Variants in SPOCK3 observed in about 807,000 individuals in gnomAD.
SPOCK3 encodes the protein testican-3.
In SPOCK3, 30 loss-of-function variants were observed where a neutral mutation model predicts 56.6. The ratio of observed to expected loss-of-function variants is 0.53; its 90% CI spans 0.40 to 0.72. SPOCK3 has a LOEUF of 0.72. Ranked by LOEUF, SPOCK3 falls within the 30% of genes least tolerant of loss-of-function variation. The probability of loss-of-function intolerance (pLI) is 0.00; values close to 1 mark genes in which losing one functional copy is unlikely to be tolerated. For synonymous variants in SPOCK3, 196 were observed against 183.3 expected (o/e 1.07, Z -0.56); for missense variants, 527 against 530.0 (o/e 0.99, Z 0.06).
chr4:166,768,193 A>C (rs1291268129), intron 7 of SPOCK3, among the ~76,000 whole-genome samples: 1 of 152,140 alleles, frequency 6.6e-6, no homozygotes. Context: ...TTTACTTTTA[A>C]GATTAATATT....
chr4:166,958,829 C>T (rs1408978668), intron 4 of SPOCK3, among the ~76,000 whole-genome samples: 3 of 152,172 alleles, frequency 2.0e-5, no homozygotes, highest in Non-Finnish European at 4.4e-5. Context: ...ACTACTGTAT[C>T]ACCAGAACTG....
At chr4:166,753,007 T>C (rs1736621949) in intron 8 of SPOCK3, among the ~76,000 whole-genome samples, 2 of 151,858 alleles carry the variant, frequency 1.3e-5, no homozygotes, top group South Asian at 4.1e-4. Context: ...ACAATTTAAA[T>C]GAAACATAGA....
At chr4:166,897,101 A>C (rs1475343316) in intron 5 of SPOCK3, among the ~76,000 whole-genome samples, 1 of 152,160 alleles carries the variant, frequency 6.6e-6, no homozygotes, top group Non-Finnish European at 1.5e-5. Context: ...CTATTTTATT[A>C]TATACTTCCA....
intron 3 of SPOCK3, among the ~76,000 whole-genome samples, chr4:167,001,837 A>C (rs1748983311): frequency 6.6e-6 from 1 of 152,226 alleles, no homozygotes; most frequent in Non-Finnish European, 1.5e-5. Flanking sequence ...GACCAGCGGA[A>C]ATAAAATGTG....
rs373625288 is a variant in SPOCK3 at position 167,122,501 on chromosome 4, TATAG to T, written c.190-59968_190-59965del. On this transcript the variant is annotated intron_variant, in intron 2 of 10. Transcript: ENST00000357545. ...GGCCATAAGTTACCTTTGTCATCCC[TATAG>T]ATAGAGAGGAAAAGTCGTTTAGGGT... 6.2e-4 allele frequency among the ~76,000 whole-genome samples: 94 copies of T among 152,334 alleles called. 1 individual carries two copies. The East Asian group carries it at 0.018, about 28-fold the overall frequency.
At chr4:166,964,268 T>C (rs904654694) in intron 4 of SPOCK3, among the ~76,000 whole-genome samples, 1 of 151,852 alleles carries the variant, frequency 6.6e-6, no homozygotes, top group Non-Finnish European at 1.5e-5. Context: ...CATTATTGCA[T>C]ATGTTCTGAG....
intron 2 of SPOCK3, among the ~76,000 whole-genome samples, chr4:167,152,133 T>C (rs368270368): frequency 1.2e-4 from 19 of 152,220 alleles, no homozygotes; most frequent in African/African-American, 4.3e-4. Flanking sequence ...CAAATATAAG[T>C]AGCTTACATC....
At chr4:167,208,037 T>G (rs1734523283) in intron 2 of SPOCK3, among the ~76,000 whole-genome samples, 1 of 152,156 alleles carries the variant, frequency 6.6e-6, no homozygotes. Flanking sequence ...CAGGGCTCCA[T>G]CTGATTTGAA....
intron 6 of SPOCK3, among the ~76,000 whole-genome samples, chr4:166,847,663 A>ATATATATATATATATC (rs1748229774): frequency 1.0e-5 from 1 of 98,358 alleles, no homozygotes; most frequent in South Asian, 3.3e-4. Flanking sequence ...ATATATATAT[A>ATATATATATATATATC]TATATATATA....
chr4:167,173,062 G>A (rs917642123), intron 2 of SPOCK3, among the ~76,000 whole-genome samples: 3 of 152,036 alleles, frequency 2.0e-5, no homozygotes, highest in Non-Finnish European at 2.9e-5. Flanking sequence ...TCATTAGCAC[G>A]AGGCATTTGC....
At position 167,234,012 on chromosome 4, in the gene SPOCK3, T is replaced by C. The variant is rs1190939041; in HGVS notation, c.162A>G (p.Glu54=). The C allele has an allele frequency of 6.2e-7, 1 of 1,614,002 alleles. No individual in the cohort carries two copies. The highest frequency in any genetic ancestry group is 2.2e-5 in the East Asian group (1 of 44,824). ...WLTTISQYDK[E]VGQWNKFRDD... is the part of the protein sequence containing the mutation. Reference sequence around the variant, plus strand: ...CTCGGAATTTGTTCCACTGTCCGACTTCCTTGTCATACTGAGAGATTGTGG... The same window carrying C: ...CTCGGAATTTGTTCCACTGTCCGACCTCCTTGTCATACTGAGAGATTGTGG... Residue 54 remains glutamate, a synonymous_variant, in exon 2 of 11, where the codon GAA becomes GAG. Coordinates refer to ENST00000357545, the MANE Select transcript of SPOCK3 (RefSeq NM_001040159.2).
chr4:167,139,669 G>A (rs1370302598), intron 2 of SPOCK3, among the ~76,000 whole-genome samples: 1 of 151,710 alleles, frequency 6.6e-6, no homozygotes, highest in Non-Finnish European at 1.5e-5. Flanking sequence ...ATCAGCAATG[G>A]CTCATATTTT....
chr4:167,209,644 G>A (rs1387462689), intron 2 of SPOCK3, among the ~76,000 whole-genome samples: 2 of 152,088 alleles, frequency 1.3e-5, no homozygotes, highest in Non-Finnish European at 2.9e-5. Context: ...ATTATAAAAT[G>A]TGGATGGATG....
chr4:167,172,076 G>C (rs1178023498), intron 2 of SPOCK3, among the ~76,000 whole-genome samples: 1 of 152,096 alleles, frequency 6.6e-6, no homozygotes, highest in African/African-American at 2.4e-5. Context: ...TGCTTCTGGC[G>C]AGTCTCTAGG....
At chr4:166,742,214 A>G (rs927793980) in intron 8 of SPOCK3, among the ~76,000 whole-genome samples, 155 bp from the exon 9 acceptor site, 2 of 150,564 alleles carry the variant, frequency 1.3e-5, no homozygotes, top group African/African-American at 4.9e-5. Flanking sequence ...TCATATAGGT[A>G]CATACATGTG....
chr4:166,977,177 C>T lies in SPOCK3; in HGVS notation c.350+23172G>A, dbSNP rs561721168. On this transcript the variant is annotated intron_variant, in intron 4 of 10. Transcript: ENST00000357545. ...AGACACTTTACTCAAAATATATCTT[C>T]TATTAAGTCTGTCTTTTTTACATTA... is the stretch of plus-strand genomic sequence containing the variant. Among the ~76,000 whole-genome samples the T allele has an allele frequency of 3.5e-4, 53 of 152,082 alleles. 1 individual carries two copies. In the South Asian group the frequency reaches 8.5e-3, roughly 24 times the overall value.
At chr4:167,215,730 G>A (rs532538357) in intron 2 of SPOCK3, among the ~76,000 whole-genome samples, 1 of 152,120 alleles carries the variant, frequency 6.6e-6, no homozygotes, top group Admixed American at 6.6e-5. Flanking sequence ...GTTGATGTTT[G>A]AATAGAAAGC....
chr4:166,738,085 A>G (rs529147186), intron 9 of SPOCK3, among the ~76,000 whole-genome samples: 126 of 152,222 alleles, frequency 8.3e-4, no homozygotes, highest in Non-Finnish European at 2.6e-4. Flanking sequence ...TCCCAAATTC[A>G]ATGCTGTTTT....
intron 2 of SPOCK3, among the ~76,000 whole-genome samples, chr4:167,230,052 C>T (rs1737001002): frequency 1.3e-5 from 2 of 151,994 alleles, no homozygotes; most frequent in Admixed American, 6.6e-5. Flanking sequence ...GCATGGCCAT[C>T]ATTCCTCTTT....
Sources: gnomAD v4.1 joint callset for allele counts (sites outside exome capture counted in the v4.1 genomes callset) on GRCh38, gnomAD v4.1.1 for gene constraint, MANE v1.5 for transcripts, NCBI Gene and HGNC (gene_info 2026-07-23, HGNC 2026-07-21) for gene names.